RGS12: variants seen among roughly 807,000 people sequenced by gnomAD.
RGS12 encodes regulator of G protein signaling 12.
A neutral mutation model predicts 120.1 loss-of-function variants in RGS12; 66 were observed. The observed-to-expected ratio is 0.55, with a 90% CI of 0.45 to 0.67. RGS12 has a LOEUF of 0.67. RGS12 is among the 30% of genes least tolerant of loss of function. The pLI is 0.00. For synonymous variants in RGS12, 827 were observed against 804.7 expected (o/e 1.03, Z -0.47); for missense variants, 1,859 against 1,957.7 (o/e 0.95, Z 0.95).
rs1381496406 is a variant in RGS12, at chr4:3,433,227, T to C, written c.4114+2272T>C. On this transcript the variant is annotated intron_variant, in intron 17 of 17. Coordinates refer to ENST00000336727, the MANE Select transcript of RGS12 (RefSeq NM_001394154.1). This position sits in a 1 kb window ranked among gnomAD's most constrained non-coding sequence, Gnocchi z 4.4. ...GACGTTGACAGTTGCTGTGGGATGC[T>C]TCCTCACAATGTGGCAGCCGCCCTG... is the stretch of plus-strand genomic sequence containing the variant. 1.3e-5 allele frequency among the ~76,000 whole-genome samples: 2 copies of C among 152,288 alleles called. No individual in the cohort carries two copies. Among genetic ancestry groups the C allele is most frequent in the East Asian group, 3.9e-4 (2 of 5,182 alleles).
At chr4:3,298,442 C>T (rs1723498161) in intron 1 of RGS12, among the ~76,000 whole-genome samples, 1 of 152,172 alleles carries the variant, frequency 6.6e-6, no homozygotes, top group Admixed American at 6.5e-5. Context: ...CCCCAAACTC[C>T]TGGGCTCAAG....
intron 14 of RGS12, 51 bp downstream of exon 14, chr4:3,425,611 A>T: frequency 5.4e-6 from 5 of 921,798 alleles, no homozygotes; most frequent in Non-Finnish European, 7.4e-6. Context: ...GGTCCAGTGC[A>T]GGGGAGGGGG....
chr4:3,342,728 A>G (rs1306039077), intron 2 of RGS12: 1 of 712,890 alleles, frequency 1.4e-6, no homozygotes. Flanking sequence ...ATACTTGACG[A>G]TCCTGGGATG....
At chr4:3,357,261 T>G (rs1295850361) in intron 3 of RGS12, among the ~76,000 whole-genome samples, 1 of 152,200 alleles carries the variant, frequency 6.6e-6, no homozygotes, top group Non-Finnish European at 1.5e-5. Context: ...GAAGTTCCTC[T>G]GTATGTATTC....
At chr4:3,338,580 G>A (rs1321173022) in intron 2 of RGS12, among the ~76,000 whole-genome samples, 2 of 152,174 alleles carry the variant, frequency 1.3e-5, no homozygotes, top group Admixed American at 6.5e-5. Flanking sequence ...CCCTGAAGCC[G>A]GCTGGCTCAG....
Position 3,390,867 on chromosome 4 carries a change from C to T in RGS12, c.2020+4430C>T, listed in dbSNP as rs914430653. On this transcript the variant is annotated intron_variant, in intron 4 of 17. Coordinates refer to ENST00000336727, the MANE Select transcript of RGS12 (RefSeq NM_001394154.1). The surrounding 1 kb of genome is among the most constrained non-coding windows in gnomAD (Gnocchi z 4.6). ...AACTTGGGGGACTTTAAACTGCATT[C>T]CTCTTTAAAATATAAAGTATAATTG... 5.3e-5 allele frequency among the ~76,000 whole-genome samples: 8 copies of T among 152,296 alleles called. No homozygotes were observed. In the South Asian group the frequency reaches 1.0e-3, roughly 20 times the overall value.
chr4:3,294,127 T>C (rs1723232785), intron 1 of RGS12, among the ~76,000 whole-genome samples: 1 of 152,256 alleles, frequency 6.6e-6, no homozygotes, highest in Non-Finnish European at 1.5e-5. Context: ...TGGACCTGTC[T>C]TTGGAGCTGC....
intron 3 of RGS12, among the ~76,000 whole-genome samples, chr4:3,364,056 G>A (rs767558388): frequency 2.6e-5 from 4 of 152,212 alleles, no homozygotes; most frequent in African/African-American, 9.7e-5. Context: ...CACGTGTCTT[G>A]AGATGGCCAG....
chr4:3,344,866 G>A (rs919800534), intron 3 of RGS12, among the ~76,000 whole-genome samples: 1 of 152,202 alleles, frequency 6.6e-6, no homozygotes. Context: ...GTCCTTTTCT[G>A]TGTGGGCCCT....
In RGS12 at chr4:3,345,038, T is replaced by C. The variant is rs1227180615; in HGVS notation, c.1998+1985T>C. ...TAATATTTGGGAATAGGCATTGCAA[T>C]GAGAATATGCATGCTGTAGTAAACT... On this transcript the variant is annotated intron_variant, in intron 3 of 17. Transcript: ENST00000336727. 2.0e-5 allele frequency among the ~76,000 whole-genome samples: 3 copies of C among 152,196 alleles called. No homozygotes were observed. The East Asian group carries it at 5.8e-4, about 29-fold the overall frequency.
chr4:3,430,856 G>A lies in RGS12; in HGVS notation c.4015G>A (p.Glu1339Lys), dbSNP rs746674744. 17 of 1,611,928 alleles carry A rather than the reference G, an allele frequency of 1.1e-5. No homozygotes were observed. The highest frequency in any genetic ancestry group is 8.9e-5 in the East Asian group (4 of 44,888). The stretch of plus-strand genomic sequence containing the variant: ...GACGGTGGAGGATGAGCACGTGGCC[G>A]AGCTGACCCTGATGGGGGAGGGGGA... ...IQTVEDEHVA[E>K]LTLMGEGDIS... The change falls in exon 17 of 18, where the codon GAG becomes AAG. Residue 1339 changes from glutamate to lysine, a missense_variant. Physicochemically the swap from Glu to Lys is moderately conservative, Grantham distance 56. This residue lies in a region of RGS12 where 517 missense variants were observed against 488.5 expected (regional missense o/e 1.06). Transcript: ENST00000336727.
At chr4:3,428,423 A>G (rs1320840344) in intron 15 of RGS12, 135 bp from the exon 16 acceptor site, 7 of 833,340 alleles carry the variant, frequency 8.4e-6, no homozygotes, top group South Asian at 1.7e-5. Flanking sequence ...TATCATTGCA[A>G]TGGTTTTTCT....
intron 17 of RGS12, among the ~76,000 whole-genome samples, chr4:3,438,523 G>A (rs976281242): frequency 4.5e-4 from 69 of 152,178 alleles, no homozygotes; most frequent in Middle Eastern, 3.4e-3. Context: ...GCTCCGGGCG[G>A]CACATGAACC....
intron 1 of RGS12, among the ~76,000 whole-genome samples, chr4:3,315,134 G>A (rs919786267): frequency 9.2e-5 from 14 of 152,206 alleles, no homozygotes; most frequent in African/African-American, 2.2e-4. Context: ...TGCGTCCTGC[G>A]TGACCCCGCT....
At chr4:3,398,229 A>G (rs1326432739) in intron 4 of RGS12, among the ~76,000 whole-genome samples, 1 of 152,248 alleles carries the variant, frequency 6.6e-6, no homozygotes, top group Non-Finnish European at 1.5e-5. Flanking sequence ...AAAATAAGCC[A>G]GGAGGTCCTG....
At chr4:3,437,847 G>T (rs551804254) in intron 17 of RGS12, among the ~76,000 whole-genome samples, 1 of 152,190 alleles carries the variant, frequency 6.6e-6, no homozygotes, top group African/African-American at 2.4e-5. Context: ...GAACGGGCTG[G>T]GCACGCTCAA....
At chr4:3,290,302 G>C (rs535485850), upstream of RGS12, among the ~76,000 whole-genome samples, 8 of 152,312 alleles carry the variant, frequency 5.3e-5, no homozygotes, top group South Asian at 1.7e-3. Flanking sequence ...CCTTCACACT[G>C]TTGAGCAAAC....
rs557544498 is a variant in RGS12, at chr4:3,336,534, G to T, written c.1882-6403G>T. Among the ~76,000 whole-genome samples the T allele has an allele frequency of 5.9e-5, 9 of 152,164 alleles. No homozygotes were observed. The South Asian group carries it at 1.9e-3, about 32-fold the overall frequency. ...ATACTCTCTTGTGTACAGTCTATTTGTTCAGTAAGTATTCATTGAGTACTT... is the reference window on the plus strand; with the variant it reads ...ATACTCTCTTGTGTACAGTCTATTTTTTCAGTAAGTATTCATTGAGTACTT... On this transcript the variant is annotated intron_variant, in intron 2 of 17. Coordinates refer to ENST00000336727, the MANE Select transcript of RGS12 (RefSeq NM_001394154.1).
intron 3 of RGS12, chr4:3,378,353 G>A (rs3129329): frequency 0.27 from 41,285 of 151,996 alleles, 5,703 homozygotes; most frequent in Middle Eastern, 0.37. Context: ...CAGTTTCGGC[G>A]ATGATTTTTT....
Sources: allele counts gnomAD v4.1 joint callset (sites outside exome capture counted in the v4.1 genomes callset), GRCh38; gene constraint gnomAD v4.1.1; regional missense constraint gnomAD v4.1.1; non-coding constraint Gnocchi (gnomAD v3.1); transcripts MANE v1.5; gene names NCBI Gene and HGNC (gene_info 2026-07-23, HGNC 2026-07-21).